The following MAGI2 variants were observed in gnomAD, a reference collection of about 807,000 sequenced individuals.
MAGI2 encodes membrane associated guanylate kinase, WW and PDZ domain containing 2.
MAGI2 carries 35 observed loss-of-function variants against 133.3 expected under a neutral mutation model. The ratio of observed to expected loss-of-function variants is 0.26; its 90% CI spans 0.20 to 0.35. The LOEUF (loss-of-function observed/expected upper bound fraction) is 0.35. MAGI2 is among the 10% of genes least tolerant of loss of function. MAGI2 has a pLI of 1.00. For missense variants in MAGI2, 1,636 were observed against 1,863.4 expected, an observed-to-expected ratio of 0.88 and a Z score of 2.25; for synonymous variants, 729 against 710.6, an observed-to-expected ratio of 1.03 and a Z score of -0.41.
intron 2 of MAGI2, among the ~76,000 whole-genome samples, chr7:78,918,353 A>C (rs904574454): frequency 6.6e-6 from 1 of 152,156 alleles, no homozygotes; most frequent in East Asian, 1.9e-4. Flanking sequence ...TTGCATTCCC[A>C]ATTCATGGAT....
intron 2 of MAGI2, among the ~76,000 whole-genome samples, chr7:78,791,627 G>A (rs1226639343): frequency 6.7e-6 from 1 of 148,978 alleles, no homozygotes; most frequent in Non-Finnish European, 1.5e-5. Context: ...CTGCAGCCTC[G>A]GCCTCCCGGG....
In MAGI2 at chr7:78,735,811, A is replaced by G. The variant is rs377150971; in HGVS notation, c.419-108572T>C. On this transcript the variant is annotated intron_variant, in intron 2 of 21. Coordinates refer to ENST00000354212, the MANE Select transcript of MAGI2 (RefSeq NM_012301.4). The stretch of plus-strand genomic sequence containing the variant: ...ACTATAAATGCACATATGTGCACCA[A>G]TCTAATAGATTTACTTTTAAAACAC... 9.2e-5 allele frequency among the ~76,000 whole-genome samples: 14 copies of G among 152,322 alleles called. No homozygotes were observed. The East Asian group carries it at 2.1e-3, about 23-fold the overall frequency.
At chr7:78,843,417 G>T (rs1792313490) in intron 2 of MAGI2, among the ~76,000 whole-genome samples, 1 of 151,646 alleles carries the variant, frequency 6.6e-6, no homozygotes, top group Admixed American at 6.6e-5. Flanking sequence ...TGAATTCACT[G>T]GTTGTCTGTC....
chr7:78,831,215 A>G (rs1044176592), intron 2 of MAGI2, among the ~76,000 whole-genome samples: 1 of 152,086 alleles, frequency 6.6e-6, no homozygotes, highest in Non-Finnish European at 1.5e-5. Context: ...GCCCCATCCA[A>G]TGGCTCATGT....
intron 1 of MAGI2, among the ~76,000 whole-genome samples, chr7:79,334,486 CA>C (rs1840298141): frequency 6.6e-6 from 1 of 152,090 alleles, no homozygotes; most frequent in South Asian, 2.1e-4. Context: ...CCAGTTACAA[CA>C]AAGCAACATC....
chr7:79,304,185 GTGTGTGTGTGTGTGTGTC>G (rs1297133687), intron 1 of MAGI2, among the ~76,000 whole-genome samples: 8 of 80,574 alleles, frequency 9.9e-5, no homozygotes, highest in Admixed American at 1.6e-4. Flanking sequence ...ACTGGGATGT[GTGTGTGTGTGTGTGTGTC>G]TGTGTGTGTG....
intron 2 of MAGI2, among the ~76,000 whole-genome samples, chr7:78,921,142 T>G (rs1165149926): frequency 6.6e-6 from 1 of 152,138 alleles, no homozygotes; most frequent in Non-Finnish European, 1.5e-5. Context: ...CATCTCTGTC[T>G]CTTTAGTCCC....
chr7:78,083,385 G>GGGGAGA (rs1816225303), intron 20 of MAGI2, among the ~76,000 whole-genome samples: 62 of 45,416 alleles, frequency 1.4e-3, no homozygotes, highest in African/African-American at 6.4e-3. Context: ...GGAGGGAGGG[G>GGGGAGA]GGGAGAGAGA....
At chr7:78,088,521 T>A (rs1444615402) in intron 20 of MAGI2, among the ~76,000 whole-genome samples, 3 of 152,162 alleles carry the variant, frequency 2.0e-5, no homozygotes, top group Non-Finnish European at 4.4e-5. Context: ...TGGGCAGGGT[T>A]AATGCAATCA....
chr7:78,967,422 G>C (rs867113038), intron 2 of MAGI2, among the ~76,000 whole-genome samples: 1 of 151,808 alleles, frequency 6.6e-6, no homozygotes, highest in African/African-American at 2.4e-5. Context: ...TGTGTCAATT[G>C]TTCCCTTTGG....
chr7:79,418,074 G>A (rs7803949), intron 1 of MAGI2, among the ~76,000 whole-genome samples: 37,794 of 151,884 alleles, frequency 0.25, 6,757 homozygotes, highest in African/African-American at 0.51. Context: ...GTAAGTACCA[G>A]ATGCAAATTC....
chr7:78,243,267 ACACTCTCTCTCTCT>A (rs1273886508), intron 10 of MAGI2, among the ~76,000 whole-genome samples: 2 of 68,240 alleles, frequency 2.9e-5, no homozygotes, highest in Non-Finnish European at 2.8e-5. Context: ...ACACACACAC[ACACTCTCTCTCTCT>A]CTCTCTTATA....
chr7:78,210,800 A>G (rs2150800876), intron 10 of MAGI2, among the ~76,000 whole-genome samples: 1 of 152,332 alleles, frequency 6.6e-6, no homozygotes, highest in Non-Finnish European at 1.5e-5. Flanking sequence ...AGATGTAAAT[A>G]TTCATAATAC....
chr7:78,788,418 A>G (rs1213395544), intron 2 of MAGI2, among the ~76,000 whole-genome samples: 3 of 151,830 alleles, frequency 2.0e-5, no homozygotes, highest in Admixed American at 1.3e-4. Context: ...CAACATTTCC[A>G]TTTTATTTGG....
chr7:78,647,144 A>T (rs751733608), intron 2 of MAGI2, among the ~76,000 whole-genome samples: 6 of 152,202 alleles, frequency 3.9e-5, no homozygotes, highest in Non-Finnish European at 8.8e-5. Context: ...AAAATAGACA[A>T]ATGGTGTCTA....
chr7:79,234,979 A>G, intron 1 of MAGI2, among the ~76,000 whole-genome samples: 2 of 151,594 alleles, frequency 1.3e-5, no homozygotes, highest in Admixed American at 6.6e-5. Context: ...TTTGGTGTGG[A>G]TGTCCTTTCT....
At chr7:79,304,251 G>T (rs4727843) in intron 1 of MAGI2, among the ~76,000 whole-genome samples, 81,325 of 140,544 alleles carry the variant, frequency 0.58, 25,081 homozygotes, top group Non-Finnish European at 0.69. Context: ...AGAGGTTAAA[G>T]CCGTTACCTA....
intron 3 of MAGI2, among the ~76,000 whole-genome samples, chr7:78,625,761 A>G (rs1222606171): frequency 6.6e-6 from 1 of 152,138 alleles, no homozygotes; most frequent in Non-Finnish European, 1.5e-5. Context: ...TTTTAACTTA[A>G]CCTTTTCTAT....
At chr7:78,515,622 C>T (rs960556756) in intron 4 of MAGI2, among the ~76,000 whole-genome samples, 10 of 151,670 alleles carry the variant, frequency 6.6e-5, no homozygotes, top group African/African-American at 2.4e-4. Context: ...CTTGTTTGGC[C>T]AGGCGCTGTA....
Sources: gnomAD v4.1 joint callset for allele counts (sites outside exome capture counted in the v4.1 genomes callset) on GRCh38, gnomAD v4.1.1 for gene constraint, MANE v1.5 for transcripts, NCBI Gene and HGNC (gene_info 2026-07-23, HGNC 2026-07-21) for gene names.